Variants in TUSC3 observed in about 807,000 individuals in gnomAD.
The protein encoded by TUSC3 is tumor suppressor candidate 3, also known as dolichyl-diphosphooligosaccharide--protein glycosyltransferase subunit TUSC3.
A neutral mutation model predicts 44.8 loss-of-function variants in TUSC3; 45 were observed. The observed-to-expected ratio is 1.00, with a 90% confidence interval of 0.79 to 1.29. The LOEUF (loss-of-function observed/expected upper bound fraction) is 1.29, where lower values mean the gene tolerates loss of function less well. TUSC3 is among the 50% of genes most tolerant of loss of function. TUSC3 has a pLI of 0.00. For missense variants in TUSC3, 519 were observed against 437.9 expected, an observed-to-expected ratio of 1.19 and a Z score of -1.65; for synonymous variants, 212 against 152.9, an observed-to-expected ratio of 1.39 and a Z score of -2.85.
At position 15,602,889 on chromosome 8, in the gene TUSC3, T is replaced by A. The variant is rs145345767; in HGVS notation, c.139-20191T>A. On this transcript the variant is annotated intron_variant, in intron 1 of 10. Coordinates refer to ENST00000503731, the MANE Select transcript of TUSC3 (RefSeq NM_006765.4). Reference sequence around the variant, plus strand: ...AAAGTAAAAGTAGATTATTACCTTGTAACATAAATAAAAAATAAAAACCTA... The same window carrying A: ...AAAGTAAAAGTAGATTATTACCTTGAAACATAAATAAAAAATAAAAACCTA... Among the ~76,000 whole-genome samples, 393 of 151,756 alleles carry A rather than the reference T, an allele frequency of 2.6e-3. 1 individual carries two copies. Among genetic ancestry groups the A allele is most frequent in the African/African-American group, 8.3e-3 (345 of 41,498 alleles).
the TUSC3 span, among the ~76,000 whole-genome samples, chr8:15,801,067 A>G: frequency 2.0e-5 from 3 of 152,190 alleles, no homozygotes; most frequent in Admixed American, 2.0e-4. Flanking sequence ...GTGAGTTTGT[A>G]AAGTGAAAGC....
At chr8:15,448,113 A>T (rs147600281) in intron 1 of TUSC3, among the ~76,000 whole-genome samples, 1 of 21,954 alleles carries the variant, frequency 4.6e-5, no homozygotes, top group Non-Finnish European at 3.2e-4. Flanking sequence ...ATATACATAT[A>T]TATATATTTA....
chr8:15,501,063 C>T (rs1023359385), intron 2 of TUSC3, among the ~76,000 whole-genome samples: 5 of 152,100 alleles, frequency 3.3e-5, no homozygotes, highest in African/African-American at 1.2e-4. Flanking sequence ...AAGTCTAAGA[C>T]AGACAGTTTA....
chr8:15,666,686 AT>A (rs1160036604), intron 5 of TUSC3, among the ~76,000 whole-genome samples: 1 of 151,188 alleles, frequency 6.6e-6, no homozygotes, highest in Non-Finnish European at 1.5e-5. Context: ...TATAATCTTT[AT>A]TTTTTTCTCT....
chr8:15,555,622 A>G (rs958281883), intron 1 of TUSC3, among the ~76,000 whole-genome samples: 3 of 151,092 alleles, frequency 2.0e-5, no homozygotes, highest in African/African-American at 4.8e-5. Flanking sequence ...GGTAACCTTC[A>G]TTTCTCTCAT....
chr8:15,634,072 T>A (rs960213799), intron 2 of TUSC3, among the ~76,000 whole-genome samples: 2 of 152,202 alleles, frequency 1.3e-5, no homozygotes, highest in Admixed American at 6.5e-5. Context: ...TGAAGGTCTC[T>A]TACAACCCAT....
chr8:15,566,698 C>T (rs1802690701), intron 1 of TUSC3, among the ~76,000 whole-genome samples: 1 of 151,848 alleles, frequency 6.6e-6, no homozygotes, highest in Admixed American at 6.6e-5. Context: ...CAGCTCACGA[C>T]AGCCACAACC....
intron 1 of TUSC3, among the ~76,000 whole-genome samples, chr8:15,424,123 T>G (rs1484486785): frequency 6.6e-6 from 1 of 151,702 alleles, no homozygotes; most frequent in Non-Finnish European, 1.5e-5. Flanking sequence ...TCCAAGTAGC[T>G]GGGACTACAG....
At chr8:15,539,733 C>T (rs1444603558), upstream of TUSC3, among the ~76,000 whole-genome samples, 5 of 152,074 alleles carry the variant, frequency 3.3e-5, no homozygotes, top group Non-Finnish European at 7.3e-5. Flanking sequence ...TAGTACGGTG[C>T]TCTGTACTTA....
At chr8:15,452,513 G>C (rs958246370) in intron 1 of TUSC3, among the ~76,000 whole-genome samples, 1 of 151,988 alleles carries the variant, frequency 6.6e-6, no homozygotes, top group African/African-American at 2.4e-5. Context: ...ACTTTAAAAG[G>C]TAAAACATAT....
intron 1 of TUSC3, among the ~76,000 whole-genome samples, chr8:15,552,730 G>C (rs1231690751): frequency 1.3e-5 from 2 of 151,602 alleles, no homozygotes; most frequent in Non-Finnish European, 2.9e-5. Flanking sequence ...TAAAGAATCT[G>C]GATCTGAACT....
upstream of TUSC3, among the ~76,000 whole-genome samples, chr8:15,536,784 A>G (rs1267269375): frequency 7.2e-6 from 1 of 139,722 alleles, no homozygotes; most frequent in African/African-American, 2.6e-5. Flanking sequence ...GGTTGGTGAG[A>G]TTTTAAGTGA....
the TUSC3 span, among the ~76,000 whole-genome samples, chr8:15,787,735 T>A: frequency 6.6e-6 from 1 of 152,206 alleles, no homozygotes; most frequent in Admixed American, 6.5e-5. Flanking sequence ...AGACAACTTA[T>A]TCCTCTTTAT....
chr8:15,740,194 A>G (rs1811130399), intron 7 of TUSC3, among the ~76,000 whole-genome samples: 1 of 152,174 alleles, frequency 6.6e-6, no homozygotes. Flanking sequence ...TGGCCATCCC[A>G]GGGAAAAGTA....
At chr8:15,678,876 T>G (rs955835002) in intron 6 of TUSC3, among the ~76,000 whole-genome samples, 1 of 152,170 alleles carries the variant, frequency 6.6e-6, no homozygotes, top group African/African-American at 2.4e-5. Context: ...ACATAAAATA[T>G]TTGGTTTTCT....
At chr8:15,803,099 A>C in the TUSC3 span, among the ~76,000 whole-genome samples, 1 of 152,196 alleles carries the variant, frequency 6.6e-6, no homozygotes, top group African/African-American at 2.4e-5. Context: ...GTTTACCTTC[A>C]TGAGGTTAGT....
chr8:15,575,610 T>TA (rs1803068977), intron 1 of TUSC3, among the ~76,000 whole-genome samples: 2 of 151,938 alleles, frequency 1.3e-5, no homozygotes, highest in South Asian at 4.2e-4. Context: ...CTATTTAAAA[T>TA]AAAAAAATTA....
At chr8:15,784,717 C>T in the TUSC3 span, among the ~76,000 whole-genome samples, 2 of 151,952 alleles carry the variant, frequency 1.3e-5, no homozygotes, top group South Asian at 2.1e-4. Flanking sequence ...AAGAGTCAAA[C>T]CCATCGAAGC....
chr8:15,439,968 A>G (rs1301824445), intron 1 of TUSC3, among the ~76,000 whole-genome samples: 1 of 152,220 alleles, frequency 6.6e-6, no homozygotes, highest in African/African-American at 2.4e-5. Context: ...TTTAACAATT[A>G]TATAGTGAGT....
Sources: allele counts gnomAD v4.1 joint callset (sites outside exome capture counted in the v4.1 genomes callset), GRCh38; gene constraint gnomAD v4.1.1; transcripts MANE v1.5; gene names NCBI Gene and HGNC (gene_info 2026-07-23, HGNC 2026-07-21).